HNRNPR: variants seen among roughly 807,000 people sequenced by gnomAD.
The protein encoded by HNRNPR is heterogeneous nuclear ribonucleoprotein R.
HNRNPR carries 4 observed loss-of-function variants against 70.3 expected under a neutral mutation model. The ratio of observed to expected loss-of-function variants is 0.06; its 90% CI spans 0.03 to 0.13. The LOEUF is 0.13. HNRNPR is among the 10% of genes least tolerant of loss of function. The pLI is 1.00. For synonymous variants in HNRNPR, 241 were observed against 267.6 expected (o/e 0.90, Z 0.97); for missense variants, 423 against 788.5 (o/e 0.54, Z 5.55).
chr1:23,325,446 A>C (rs868477651), intron 5 of HNRNPR, among the ~76,000 whole-genome samples: 7 of 152,326 alleles, frequency 4.6e-5, no homozygotes, highest in Admixed American at 6.5e-5. Flanking sequence ...AACTTGAGGT[A>C]TTCTTTTGAC....
intron 8 of HNRNPR, among the ~76,000 whole-genome samples, chr1:23,317,127 C>T (rs1369357531): frequency 6.6e-6 from 1 of 152,084 alleles, no homozygotes; most frequent in African/African-American, 2.4e-5. Context: ...AGGGAAGAGA[C>T]AACTAAAATG....
Position 23,340,806 on chromosome 1 carries a change from G to T in HNRNPR, c.157+46C>A, listed in dbSNP as rs373404962. 13 of 1,450,918 alleles carry T rather than the reference G, an allele frequency of 9.0e-6. No homozygotes were observed. In the African/African-American group the frequency reaches 1.9e-4, roughly 21 times the overall value. 89.9% of individuals were successfully genotyped at this position (1,450,918 alleles called of 1,614,324 possible). A position where few individuals can be genotyped will look rare whatever the true frequency, so the allele number is the denominator to read the frequency against. On this transcript the variant is annotated intron_variant, in intron 2 of 10. Transcript: ENST00000302271. ...AAAACTATAAAATTCAAAGTGGTTTGCCCTCACTTTCATAACCAGTCAGAA... is the reference window on the plus strand; with the variant it reads ...AAAACTATAAAATTCAAAGTGGTTTTCCCTCACTTTCATAACCAGTCAGAA...
rs1255857962 is a variant in HNRNPR at position 23,318,912 on chromosome 1, C to A, written c.812-224G>T. ...GGGGTTCTGAAGGTACAGCCATATA[C>A]AACAAATCTACTATATTCTGACATT... is the stretch of plus-strand genomic sequence containing the variant. On this transcript the variant is annotated intron_variant, in intron 7 of 10. Transcript: ENST00000302271. This position sits in a 1 kb window ranked among gnomAD's most constrained non-coding sequence, Gnocchi z 4.2. 6.6e-6 allele frequency among the ~76,000 whole-genome samples: 1 copy of A among 152,138 alleles called. No individual in the cohort carries two copies. Among genetic ancestry groups the A allele is most frequent in the Non-Finnish European group, 1.5e-5 (1 of 68,030 alleles).
In HNRNPR at chr1:23,323,821, G is replaced by C. The variant is rs569260526; in HGVS notation, c.499-89C>G. On this transcript the variant is annotated intron_variant, in intron 5 of 10. Coordinates refer to ENST00000302271, the MANE Select transcript of HNRNPR (RefSeq NM_005826.5). ...CTGCCTTTTTTTTTTAAAGATGGGG[G>C]CAGAAGAAGATGGTTAAGAAAGAAT... The C allele has an allele frequency of 9.0e-6, 9 of 997,422 alleles. No homozygotes were observed. In the South Asian group the frequency reaches 1.2e-4, roughly 14 times the overall value. 61.8% of individuals were successfully genotyped at this position (997,422 alleles called of 1,614,324 possible).
At chr1:23,323,866 C>A (rs1645853492) in intron 5 of HNRNPR, 134 bp from the exon 6 acceptor site, 1 of 707,844 alleles carries the variant, frequency 1.4e-6, no homozygotes, top group Non-Finnish European at 2.4e-6. Flanking sequence ...CTGAAACTTA[C>A]AGTTGACTTG....
chr1:23,339,989 T>C (rs1646650795), intron 2 of HNRNPR, among the ~76,000 whole-genome samples: 1 of 151,706 alleles, frequency 6.6e-6, no homozygotes, highest in Non-Finnish European at 1.5e-5. Flanking sequence ...GTCATTTTAA[T>C]GTCTAAAATT....
chr1:23,326,547 G>A (rs1191986764), intron 5 of HNRNPR, among the ~76,000 whole-genome samples: 1 of 152,168 alleles, frequency 6.6e-6, no homozygotes, highest in African/African-American at 2.4e-5. Context: ...CACTTTGGGA[G>A]GCTGAGACGG....
At position 23,318,391 on chromosome 1, in the gene HNRNPR, CTATTTATCATAAAACTCAAAA is replaced by C. The variant is rs1645631575; in HGVS notation, c.1017+71_1017+91del. 5 of 1,096,930 alleles carry C rather than the reference CTATTTATCATAAAACTCAAAA, an allele frequency of 4.6e-6. No homozygotes were observed. Among genetic ancestry groups the C allele is most frequent in the Non-Finnish European group, 6.7e-6 (5 of 741,932 alleles). 67.9% of individuals were successfully genotyped at this position (1,096,930 alleles called of 1,614,324 possible). ...CAGTTGAAGTCTAAAGCTACAATTT[CTATTTATCATAAAACTCAAAA>C]TATTTGAGCTTTATTCTGAGTACAA... is the stretch of plus-strand genomic sequence containing the variant. On this transcript the variant is annotated intron_variant, in intron 8 of 10. Coordinates refer to ENST00000302271, the MANE Select transcript of HNRNPR (RefSeq NM_005826.5). This position sits in a 1 kb window ranked among gnomAD's most constrained non-coding sequence, Gnocchi z 4.2.
intron 9 of HNRNPR, among the ~76,000 whole-genome samples, chr1:23,312,656 A>G (rs1645380099): frequency 6.6e-6 from 1 of 152,202 alleles, no homozygotes; most frequent in Non-Finnish European, 1.5e-5. Flanking sequence ...AAGCCAATTA[A>G]TTATAAACCA....
intron 9 of HNRNPR, 95 bp downstream of exon 9, chr1:23,313,458 A>C (rs1645414183): frequency 1.2e-6 from 1 of 827,332 alleles, no homozygotes; most frequent in South Asian, 1.8e-5. Context: ...AAAAGCTGAC[A>C]ACCAATATTG....
chr1:23,340,754 G>A lies in HNRNPR; in HGVS notation c.157+98C>T, dbSNP rs953117529. On this transcript the variant is annotated intron_variant, in intron 2 of 10. Coordinates refer to ENST00000302271, the MANE Select transcript of HNRNPR (RefSeq NM_005826.5). ...AACAAACATTCAGCTCTACAGATCAGAAACAATAAGTATTATTTAACCTTA... is the reference window on the plus strand; with the variant it reads ...AACAAACATTCAGCTCTACAGATCAAAAACAATAAGTATTATTTAACCTTA... 8 of 999,182 alleles carry A rather than the reference G, an allele frequency of 8.0e-6. No homozygotes were observed. In the African/African-American group the frequency reaches 1.3e-4, roughly 16 times the overall value. The allele number at this position is 999,182 out of a possible 1,614,324, so 61.9% of individuals were successfully genotyped here.
intron 5 of HNRNPR, among the ~76,000 whole-genome samples, chr1:23,325,461 T>C (rs1020437200): frequency 6.6e-6 from 1 of 152,200 alleles, no homozygotes; most frequent in African/African-American, 2.4e-5. Flanking sequence ...TTTGACTCCT[T>C]GGCATGATTC....
At chr1:23,320,219 TATAGATA>T (rs1262686976) in intron 7 of HNRNPR, among the ~76,000 whole-genome samples, 1 of 152,134 alleles carries the variant, frequency 6.6e-6, no homozygotes, top group African/African-American at 2.4e-5. Flanking sequence ...CAGAAGGAGC[TATAGATA>T]ATAAAGTGAT....
intron 8 of HNRNPR, 149 bp from the exon 9 acceptor site, chr1:23,313,851 A>T (rs1645429200): frequency 1.1e-6 from 1 of 880,500 alleles, no homozygotes; most frequent in South Asian, 1.8e-5. Flanking sequence ...TTGCTAGGAA[A>T]ATGACACTGA....
At position 23,323,573 on chromosome 1, in the gene HNRNPR, G is replaced by C. The variant is rs1165141195; in HGVS notation, c.658C>G (p.Gln220Glu). The C allele has an allele frequency of 6.2e-7, 1 of 1,613,780 alleles. No individual in the cohort carries two copies. The highest frequency in any genetic ancestry group is 8.5e-7 in the Non-Finnish European group (1 of 1,179,772). Residue 220 changes from glutamine to glutamate, a missense_variant, in exon 6 of 11, where the codon CAG becomes GAG. By Grantham distance (29) the Gln-to-Glu change is conservative (BLOSUM62 2). This residue lies in a region of HNRNPR where 118 missense variants were observed against 239.3 expected (regional missense o/e 0.49). Coordinates refer to ENST00000302271, the MANE Select transcript of HNRNPR (RefSeq NM_005826.5). The stretch of plus-strand genomic sequence containing the variant: ...TCACATACCAGTTTCACGGCTTCCT[G>C]TGCAGCTTCCTTTCCACAGAAGGTG... ...FITFCGKEAA[Q>E]EAVKLCDSYE...
intron 6 of HNRNPR, among the ~76,000 whole-genome samples, chr1:23,323,349 T>C (rs1645832902): frequency 6.6e-6 from 1 of 150,694 alleles, no homozygotes; most frequent in South Asian, 2.1e-4. Flanking sequence ...GGAGACTTTC[T>C]ATAAAACATT....
chr1:23,325,918 T>C (rs1427423482), intron 5 of HNRNPR, among the ~76,000 whole-genome samples: 1 of 152,186 alleles, frequency 6.6e-6, no homozygotes, highest in Non-Finnish European at 1.5e-5. Flanking sequence ...TGCAGCGCAG[T>C]GGCATGATCA....
chr1:23,342,613 C>T (rs114091224), intron 1 of HNRNPR, among the ~76,000 whole-genome samples: 1,876 of 152,246 alleles, frequency 0.012, 18 homozygotes, highest in Non-Finnish European at 0.02. Context: ...AAGATGCATC[C>T]TAAAACACAA....
chr1:23,320,695 T>C (rs1645720928), intron 7 of HNRNPR, among the ~76,000 whole-genome samples: 1 of 152,172 alleles, frequency 6.6e-6, no homozygotes, highest in Non-Finnish European at 1.5e-5. Context: ...TAGGTAGTAT[T>C]AGATCACAAT....
Sources: gnomAD v4.1 joint callset for allele counts (sites outside exome capture counted in the v4.1 genomes callset) on GRCh38, gnomAD v4.1.1 for gene constraint, gnomAD v4.1.1 regional missense constraint, Gnocchi (gnomAD v3.1) non-coding constraint, MANE v1.5 for transcripts, NCBI Gene and HGNC (gene_info 2026-07-23, HGNC 2026-07-21) for gene names.